Variants in PAN3 observed in about 807,000 individuals in gnomAD.
The protein encoded by PAN3 is poly(A) specific ribonuclease subunit PAN3.
Under a neutral mutation model 96.2 loss-of-function variants are expected in PAN3, and 19 were observed. The observed-to-expected ratio is 0.20, with a 90% CI of 0.14 to 0.29. The LOEUF is 0.29. Among genes scored for constraint, PAN3 ranks in the 10% least tolerant of loss-of-function variants. The pLI is 1.00. For missense variants in PAN3, 882 were observed against 1,108.1 expected, an observed-to-expected ratio of 0.80 and a Z score of 2.90; for synonymous variants, 433 against 406.6, an observed-to-expected ratio of 1.06 and a Z score of -0.78.
intron 1 of PAN3, among the ~76,000 whole-genome samples, chr13:28,173,821 G>T (rs1206673768): frequency 6.6e-6 from 1 of 152,212 alleles, no homozygotes; most frequent in African/African-American, 2.4e-5. Flanking sequence ...TACCTCTGCA[G>T]ATTTTTTTCC....
chr13:28,199,251 T>TA (rs1423284787), intron 5 of PAN3, among the ~76,000 whole-genome samples: 4 of 152,042 alleles, frequency 2.6e-5, no homozygotes, highest in Non-Finnish European at 4.4e-5. Context: ...GTGAAACACT[T>TA]ACCAATGCAG....
chr13:28,194,406 G>GTA (rs1190364710), intron 4 of PAN3, among the ~76,000 whole-genome samples: 4 of 146,076 alleles, frequency 2.7e-5, no homozygotes, highest in South Asian at 2.1e-4. Context: ...ATATGTGTGT[G>GTA]TATATATATA....
chr13:28,161,819 C>T (rs185836659), intron 1 of PAN3, among the ~76,000 whole-genome samples: 1 of 152,142 alleles, frequency 6.6e-6, no homozygotes, highest in African/African-American at 2.4e-5. Flanking sequence ...TGTGAACTTT[C>T]GAGGGAGTTC....
rs1883763509 is a variant in PAN3, at chr13:28,242,468, A to G, written c.1001-13824A>G. ...GGGAATACAGAGAGGATTAAGGCAC[A>G]GTTCTTCCCCATAGAACAATTGAAT... is the stretch of plus-strand genomic sequence containing the variant. On this transcript the variant is annotated intron_variant, in intron 6 of 18. Transcript: ENST00000380958. Among the ~76,000 whole-genome samples the G allele has an allele frequency of 2.0e-5, 3 of 152,324 alleles. No individual in the cohort carries two copies. In the South Asian group the frequency reaches 6.2e-4, roughly 32 times the overall value.
At chr13:28,292,305 T>G in intron 18 of PAN3, 77 bp from the exon 19 acceptor site, 1 of 1,390,582 alleles carries the variant, frequency 7.2e-7, no homozygotes, top group Admixed American at 2.6e-5. Context: ...AGATATTTTA[T>G]TTATTTTTGC....
chr13:28,257,740 T>C (rs1393889954), intron 7 of PAN3, among the ~76,000 whole-genome samples: 1 of 114,980 alleles, frequency 8.7e-6, no homozygotes, highest in Non-Finnish European at 2.0e-5. Flanking sequence ...ATATATAAAT[T>C]ATATATAATA....
intron 1 of PAN3, among the ~76,000 whole-genome samples, chr13:28,162,926 A>G (rs1873062104): frequency 6.6e-6 from 1 of 152,100 alleles, no homozygotes; most frequent in South Asian, 2.1e-4. Context: ...AAAAAGTGAA[A>G]GGTGTGCATA....
At chr13:28,161,344 G>A (rs1872859848) in intron 1 of PAN3, among the ~76,000 whole-genome samples, 1 of 152,074 alleles carries the variant, frequency 6.6e-6, no homozygotes. Flanking sequence ...TTGGTTTGCT[G>A]ACAATCTTGG....
intron 1 of PAN3, among the ~76,000 whole-genome samples, chr13:28,145,336 A>G (rs773587096): frequency 1.3e-5 from 2 of 151,544 alleles, no homozygotes; most frequent in Non-Finnish European, 2.9e-5. Flanking sequence ...TTTTTTGACA[A>G]TTTTTTGAGA....
chr13:28,290,631 G>A (rs1360996300), intron 18 of PAN3, among the ~76,000 whole-genome samples: 10 of 152,060 alleles, frequency 6.6e-5, no homozygotes, highest in East Asian at 5.8e-4. Context: ...GCAGTGAGCC[G>A]AGATTGTGCC....
intron 5 of PAN3, among the ~76,000 whole-genome samples, chr13:28,218,909 A>T (rs892736701): frequency 1.3e-5 from 2 of 152,170 alleles, no homozygotes; most frequent in African/African-American, 4.8e-5. Context: ...TTTTATCAAG[A>T]TATCAATGGC....
At chr13:28,142,628 A>G (rs1456476689) in intron 1 of PAN3, among the ~76,000 whole-genome samples, 2 of 151,628 alleles carry the variant, frequency 1.3e-5, no homozygotes, top group Non-Finnish European at 2.9e-5. Context: ...CCGGTCTCAA[A>G]CTTCTGGGCT....
chr13:28,247,408 T>C (rs1324326744), intron 6 of PAN3, among the ~76,000 whole-genome samples: 2 of 152,232 alleles, frequency 1.3e-5, no homozygotes, highest in Non-Finnish European at 2.9e-5. Context: ...GTTGATTGTT[T>C]CTTTTGCGGT....
chr13:28,231,933 T>C (rs1882599430), intron 6 of PAN3, among the ~76,000 whole-genome samples: 1 of 152,080 alleles, frequency 6.6e-6, no homozygotes, highest in East Asian at 1.9e-4. Flanking sequence ...AAATAAATCT[T>C]TTTAGAGTAC....
intron 1 of PAN3, among the ~76,000 whole-genome samples, chr13:28,167,621 G>A (rs76815993): frequency 0.025 from 3,724 of 150,232 alleles, 142 homozygotes; most frequent in African/African-American, 0.087. Context: ...TGGATCACTC[G>A]GGCTCCAGAG....
At chr13:28,162,649 A>C (rs1364657004) in intron 1 of PAN3, among the ~76,000 whole-genome samples, 1 of 151,644 alleles carries the variant, frequency 6.6e-6, no homozygotes, top group South Asian at 2.1e-4. Context: ...TCTGCCTTAA[A>C]AAAAAAAAAG....
chr13:28,144,510 C>T (rs550581698), intron 1 of PAN3, among the ~76,000 whole-genome samples: 78 of 151,410 alleles, frequency 5.2e-4, no homozygotes, highest in Admixed American at 8.6e-4. Flanking sequence ...CCACTGGGCC[C>T]GGCCGGTTTC....
chr13:28,204,188 C>T (rs2138277017), intron 5 of PAN3, among the ~76,000 whole-genome samples: 1 of 152,264 alleles, frequency 6.6e-6, no homozygotes, highest in Non-Finnish European at 1.5e-5. Context: ...CCTGAGACAC[C>T]ACATCAAAAA....
chr13:28,287,731 G>T (rs564556495), intron 17 of PAN3, among the ~76,000 whole-genome samples: 1 of 152,290 alleles, frequency 6.6e-6, no homozygotes, highest in Admixed American at 6.5e-5. Context: ...CTAATGGTAG[G>T]GGCTGAAATA....
Sources: allele counts gnomAD v4.1 joint callset (sites outside exome capture counted in the v4.1 genomes callset), GRCh38; gene constraint gnomAD v4.1.1; transcripts MANE v1.5; gene names NCBI Gene and HGNC (gene_info 2026-07-23, HGNC 2026-07-21).